Variants in PTK2 observed in about 807,000 individuals in gnomAD.
PTK2 encodes the protein protein tyrosine kinase 2.
Under a neutral mutation model 150.1 loss-of-function variants are expected in PTK2, and 45 were observed. The observed-to-expected ratio is 0.30, with a 90% confidence interval of 0.24 to 0.38. PTK2 has a LOEUF of 0.38. Ranked by LOEUF, PTK2 falls within the 10% of genes least tolerant of loss-of-function variation. PTK2 has a pLI of 1.00. For synonymous variants in PTK2, 432 were observed against 449.2 expected (o/e 0.96, Z 0.48); for missense variants, 919 against 1,307.3 (o/e 0.70, Z 4.58).
intron 1 of PTK2, among the ~76,000 whole-genome samples, chr8:140,999,505 A>T (rs893851487): frequency 1.3e-5 from 2 of 152,270 alleles, no homozygotes; most frequent in African/African-American, 4.8e-5. Context: ...GGACACAAAC[A>T]TCCTTAAAAT....
intron 14 of PTK2, among the ~76,000 whole-genome samples, chr8:140,784,522 GAT>G (rs996803182): frequency 1.3e-5 from 2 of 152,072 alleles, no homozygotes; most frequent in Admixed American, 6.6e-5. Flanking sequence ...TTTACTCATT[GAT>G]TTGGAAATAC....
intron 22 of PTK2, among the ~76,000 whole-genome samples, chr8:140,727,863 T>C (rs917683774): frequency 3.3e-5 from 5 of 152,046 alleles, no homozygotes; most frequent in Admixed American, 1.3e-4. Flanking sequence ...CCCTAGAAAG[T>C]AGCTACTGAG....
chr8:140,840,549 G>A (rs1410666164), intron 7 of PTK2, among the ~76,000 whole-genome samples: 2 of 152,116 alleles, frequency 1.3e-5, no homozygotes, highest in Non-Finnish European at 1.5e-5. Context: ...TTAAGAGAGG[G>A]TTAGATAAGT....
chr8:140,904,060 G>A (rs377733282), intron 2 of PTK2, among the ~76,000 whole-genome samples: 5 of 152,120 alleles, frequency 3.3e-5, no homozygotes, highest in Non-Finnish European at 5.9e-5. Flanking sequence ...GGTGAGAGAC[G>A]GCATCCTTGT....
intron 2 of PTK2, among the ~76,000 whole-genome samples, chr8:140,905,277 C>T (rs1030390410): frequency 6.6e-6 from 1 of 151,918 alleles, no homozygotes; most frequent in Non-Finnish European, 1.5e-5. Flanking sequence ...ATTTGGGAGA[C>T]CCATGTCATG....
chr8:140,930,458 CAT>C (rs1452220558), intron 1 of PTK2, among the ~76,000 whole-genome samples: 2 of 152,134 alleles, frequency 1.3e-5, no homozygotes, highest in Admixed American at 6.6e-5. Context: ...AAGGTAAAAA[CAT>C]AGACAACTGA....
intron 26 of PTK2, among the ~76,000 whole-genome samples, chr8:140,690,580 G>C (rs2100022581): frequency 6.6e-6 from 1 of 152,106 alleles, no homozygotes; most frequent in South Asian, 2.1e-4. Context: ...GAAAAATTAA[G>C]ATACTGCAAA....
At chr8:140,770,797 C>T (rs2100075053) in intron 14 of PTK2, 1 of 1,318,472 alleles carries the variant, frequency 7.6e-7, no homozygotes, top group African/African-American at 1.5e-5. Context: ...CAGTGACTGA[C>T]TCCTTTATAA....
chr8:140,987,419 G>C (rs1448696189), intron 1 of PTK2, among the ~76,000 whole-genome samples: 1 of 152,180 alleles, frequency 6.6e-6, no homozygotes, highest in African/African-American at 2.4e-5. Flanking sequence ...GACCTTAAGT[G>C]ATCCACCTGC....
chr8:140,880,675 G>C (rs929810872), intron 3 of PTK2, among the ~76,000 whole-genome samples: 1 of 152,152 alleles, frequency 6.6e-6, no homozygotes, highest in African/African-American at 2.4e-5. Flanking sequence ...ATACAAAAAA[G>C]TTCCTGCACT....
intron 4 of PTK2, 41 bp from the exon 5 acceptor site, chr8:140,864,440 AT>A: frequency 8.2e-7 from 1 of 1,213,168 alleles, no homozygotes; most frequent in South Asian, 1.3e-5. Context: ...GAAATCAGTC[AT>A]TTTCTCAATT....
rs368232560 is a variant in PTK2 at position 140,964,378 on chromosome 8, ATTTCT to A, written c.-122+36742_-122+36746del. Among the ~76,000 whole-genome samples the A allele has an allele frequency of 2.7e-3, 405 of 150,852 alleles. 4 individuals are homozygous for A. The highest frequency in any genetic ancestry group is 0.02 in the Middle Eastern group (6 of 294). On this transcript the variant is annotated intron_variant, in intron 1 of 31. Transcript: ENST00000522684. ...CAGCCACACCATCACGCGCCAGCTA[ATTTCT>A]TTTTTTTTTTCTGGAGATAGGGTCT...
chr8:140,902,924 G>GTTTTTTTTTTTTTTTT lies in PTK2; in HGVS notation c.-32-12171_-32-12156dup, dbSNP rs61261890. 8.5e-5 allele frequency among the ~76,000 whole-genome samples: 5 copies of GTTTTTTTTTTTTTTTT among 58,964 alleles called. 1 individual carries two copies. Among genetic ancestry groups the GTTTTTTTTTTTTTTTT allele is most frequent in the Non-Finnish European group, 1.1e-4 (3 of 26,334 alleles). 38.7% of individuals were successfully genotyped at this position (58,964 alleles called of 152,430 possible). A position where few individuals can be genotyped will look rare whatever the true frequency, so the allele number is the denominator to read the frequency against. On this transcript the variant is annotated intron_variant, in intron 2 of 31. Coordinates refer to ENST00000522684, the Ensembl canonical transcript of PTK2. ...TTGCCTGTTCACTCTGATGAGAGTT[G>GTTTTTTTTTTTTTTTT]TTTTTTTTTTTTTTTTTTTTTTTTT...
intron 26 of PTK2, among the ~76,000 whole-genome samples, chr8:140,692,558 AGT>A (rs2100023804): frequency 6.6e-6 from 1 of 152,116 alleles, no homozygotes; most frequent in Non-Finnish European, 1.5e-5. Flanking sequence ...CGGAGGTTGC[AGT>A]GTGCCAAGAT....
chr8:140,685,488 A>T (rs949502451), intron 27 of PTK2, among the ~76,000 whole-genome samples: 9 of 152,258 alleles, frequency 5.9e-5, no homozygotes, highest in African/African-American at 2.2e-4. Flanking sequence ...CAAACTGTGC[A>T]TCTGACAAAG....
intron 8 of PTK2, among the ~76,000 whole-genome samples, chr8:140,828,649 T>C (rs1353211598): frequency 6.6e-6 from 1 of 152,184 alleles, no homozygotes; most frequent in Non-Finnish European, 1.5e-5. Context: ...AACAGCAATG[T>C]AAATTCACTA....
chr8:140,835,929 G>C (rs1384445310), intron 7 of PTK2, among the ~76,000 whole-genome samples: 2 of 152,136 alleles, frequency 1.3e-5, no homozygotes, highest in Admixed American at 1.3e-4. Context: ...CCCAGGATGA[G>C]TGAGTATGGG....
intron 12 of PTK2, among the ~76,000 whole-genome samples, chr8:140,794,559 A>G (rs2100090484): frequency 6.6e-6 from 1 of 151,926 alleles, no homozygotes; most frequent in Non-Finnish European, 1.5e-5. Context: ...TGCTAAGCCC[A>G]ATTGTTCATT....
intron 26 of PTK2, 41 bp downstream of exon 29, chr8:140,700,850 G>A (rs752722618): frequency 1.2e-6 from 2 of 1,608,750 alleles, no homozygotes; most frequent in African/African-American, 1.3e-5. Flanking sequence ...GACTCTAACA[G>A]GGCTTAAAAA....
Sources: allele counts gnomAD v4.1 joint callset (sites outside exome capture counted in the v4.1 genomes callset), GRCh38; gene constraint gnomAD v4.1.1; transcripts MANE v1.5; gene names NCBI Gene and HGNC (gene_info 2026-07-23, HGNC 2026-07-21).